The following TANC2 variants were observed in gnomAD, a reference collection of about 807,000 sequenced individuals.
TANC2 encodes protein TANC2.
TANC2 carries 26 observed loss-of-function variants against 210.5 expected under a neutral mutation model. The ratio of observed to expected loss-of-function variants is 0.12; its 90% CI spans 0.09 to 0.17. TANC2 has a LOEUF of 0.17. Among genes scored for constraint, TANC2 ranks in the 10% least tolerant of loss-of-function variants. The pLI is 1.00. For missense variants in TANC2, 2,129 were observed against 2,608.9 expected, an observed-to-expected ratio of 0.82 and a Z score of 4.01; for synonymous variants, 931 against 967.1, an observed-to-expected ratio of 0.96 and a Z score of 0.69.
chr17:63,367,322 G>A (rs1567958060), intron 14 of TANC2, among the ~76,000 whole-genome samples: 1 of 152,104 alleles, frequency 6.6e-6, no homozygotes, highest in East Asian at 1.9e-4. Context: ...ACGGCCCATG[G>A]GCCACATGTG....
At chr17:63,128,936 A>G (rs1283573220) in intron 4 of TANC2, among the ~76,000 whole-genome samples, 1 of 152,198 alleles carries the variant, frequency 6.6e-6, no homozygotes, top group Non-Finnish European at 1.5e-5. Flanking sequence ...AGCTATGTGT[A>G]AAGAATCTTA....
At chr17:63,397,065 AG>A in intron 18 of TANC2, 1 of 152,274 alleles carries the variant, frequency 6.6e-6, no homozygotes, top group Non-Finnish European at 1.5e-5. Context: ...ACCTGAGGTC[AG>A]AAGTTGGAGA....
chr17:63,161,311 G>A (rs561140408), intron 5 of TANC2, among the ~76,000 whole-genome samples: 3 of 152,018 alleles, frequency 2.0e-5, no homozygotes, highest in Admixed American at 6.6e-5. Flanking sequence ...GCAGTGAGCC[G>A]ATATCAAGCC....
intron 4 of TANC2, among the ~76,000 whole-genome samples, chr17:63,128,264 G>A (rs948588138): frequency 8.6e-5 from 13 of 152,038 alleles, no homozygotes; most frequent in Non-Finnish European, 1.6e-4. Context: ...CTAACACATA[G>A]GATAAATGCT....
At chr17:62,989,308 A>G (rs2032735392) in intron 1 of TANC2, among the ~76,000 whole-genome samples, 1 of 152,248 alleles carries the variant, frequency 6.6e-6, no homozygotes, top group South Asian at 2.1e-4. Flanking sequence ...TTAATATTAG[A>G]AAAAGATTTG....
In TANC2 at chr17:63,183,535, T is replaced by C. The variant is rs150990459; in HGVS notation, c.434-10456T>C. Among the ~76,000 whole-genome samples the C allele has an allele frequency of 8.2e-3, 1,246 of 152,198 alleles. 7 individuals are homozygous for C. Among genetic ancestry groups the C allele is most frequent in the Non-Finnish European group, 0.012 (824 of 68,006 alleles). The stretch of plus-strand genomic sequence containing the variant: ...ATTTAAAAACTAAAGTTTGAGAGGG[T>C]CGAAAATTTACCTGCTGCGTATAAT... On this transcript the variant is annotated intron_variant, in intron 5 of 27. Transcript: ENST00000689528.
intron 8 of TANC2, among the ~76,000 whole-genome samples, chr17:63,266,650 T>G (rs898699642): frequency 2.0e-5 from 3 of 152,156 alleles, no homozygotes; most frequent in Non-Finnish European, 2.9e-5. Context: ...TTTTGGATTA[T>G]AAAGTTTTTG....
intron 9 of TANC2, among the ~76,000 whole-genome samples, chr17:63,310,276 A>G (rs1466886488): frequency 6.6e-6 from 1 of 151,964 alleles, no homozygotes; most frequent in East Asian, 1.9e-4. Flanking sequence ...GTGAAACCCT[A>G]TCTCTACTAA....
intron 2 of TANC2, among the ~76,000 whole-genome samples, chr17:63,057,270 G>T (rs1469772664): frequency 1.3e-5 from 2 of 152,172 alleles, no homozygotes; most frequent in Admixed American, 6.5e-5. Flanking sequence ...TAAAAGAGAA[G>T]AAGTATACTT....
chr17:63,106,939 T>G (rs1481202195), intron 4 of TANC2, among the ~76,000 whole-genome samples: 1 of 151,628 alleles, frequency 6.6e-6, no homozygotes, highest in Non-Finnish European at 1.5e-5. Context: ...ATGTATTCTT[T>G]TGAAATATAG....
rs930176916 is a variant in TANC2, at chr17:63,060,493, C to T, written c.68-13450C>T. On this transcript the variant is annotated intron_variant, in intron 2 of 27. Transcript: ENST00000689528. ...AAAATTAGCTGGGCATGGTGGTGGGCGCCTGTAATCCCAGCTACTCAGGAG... is the reference window on the plus strand; with the variant it reads ...AAAATTAGCTGGGCATGGTGGTGGGTGCCTGTAATCCCAGCTACTCAGGAG... 3.9e-5 allele frequency among the ~76,000 whole-genome samples: 6 copies of T among 152,024 alleles called. No individual in the cohort carries two copies. The South Asian group carries it at 1.0e-3, about 26-fold the overall frequency.
At chr17:63,001,340 A>G (rs1310335676) in intron 1 of TANC2, among the ~76,000 whole-genome samples, 3 of 152,042 alleles carry the variant, frequency 2.0e-5, no homozygotes, top group Non-Finnish European at 4.4e-5. Flanking sequence ...GGTTGATTTA[A>G]AATCATTTCT....
At chr17:63,344,067 G>C (rs2046322650) in intron 12 of TANC2, among the ~76,000 whole-genome samples, 1 of 152,184 alleles carries the variant, frequency 6.6e-6, no homozygotes, top group Admixed American at 6.5e-5. Context: ...TTAGGAACCA[G>C]GCCACACAGC....
chr17:63,318,930 G>A (rs376788625), intron 10 of TANC2, 27 bp from the exon 11 acceptor site: 30 of 1,611,276 alleles, frequency 1.9e-5, no homozygotes, highest in Non-Finnish European at 2.2e-5. Context: ...ATTATCTGAT[G>A]CAAACATCTA....
intron 21 of TANC2, among the ~76,000 whole-genome samples, chr17:63,407,314 C>T (rs2048543466): frequency 6.6e-6 from 1 of 152,176 alleles, no homozygotes; most frequent in Non-Finnish European, 1.5e-5. Context: ...GCTTCATGCT[C>T]TCTCCCTTCA....
intron 6 of TANC2, 102 bp downstream of exon 6, chr17:63,194,241 C>A: frequency 8.7e-7 from 1 of 1,152,404 alleles, no homozygotes; most frequent in Non-Finnish European, 1.2e-6. Context: ...TAGAATACAA[C>A]TTAACTTTCC....
chr17:62,973,410 C>T (rs901537791), intron 1 of TANC2, among the ~76,000 whole-genome samples: 4 of 152,190 alleles, frequency 2.6e-5, no homozygotes, highest in African/African-American at 4.8e-5. Flanking sequence ...GACTTTTCAT[C>T]TTTTCAGCAT....
intron 1 of TANC2, among the ~76,000 whole-genome samples, chr17:62,991,919 G>A (rs115565723): frequency 6.6e-6 from 1 of 151,906 alleles, no homozygotes; most frequent in Non-Finnish European, 1.5e-5. Context: ...TTTACGCACG[G>A]TTTCTTGTGT....
chr17:63,162,315 AC>A (rs1598499961), intron 5 of TANC2, among the ~76,000 whole-genome samples: 2 of 151,820 alleles, frequency 1.3e-5, no homozygotes, highest in African/African-American at 4.8e-5. Context: ...AAAAAAAAAA[AC>A]AAAACTGAGG....
Sources: allele counts gnomAD v4.1 joint callset (sites outside exome capture counted in the v4.1 genomes callset), GRCh38; gene constraint gnomAD v4.1.1; transcripts MANE v1.5; gene names NCBI Gene and HGNC (gene_info 2026-07-23, HGNC 2026-07-21).